MIDN: variants seen among roughly 807,000 people sequenced by gnomAD.
MIDN encodes the protein midbrain nucleolar protein.
In MIDN, 26 loss-of-function variants were observed where a neutral mutation model predicts 46.1. The observed-to-expected ratio is 0.56, with a 90% confidence interval of 0.41 to 0.78. MIDN has a LOEUF of 0.78. Among genes scored for constraint, MIDN ranks in the 30% least tolerant of loss-of-function variants. The probability of loss-of-function intolerance (pLI) is 0.00; values close to 1 mark genes in which losing one functional copy is unlikely to be tolerated. For synonymous variants in MIDN, 432 were observed against 343.3 expected (o/e 1.26, Z -2.86); for missense variants, 850 against 771.8 (o/e 1.10, Z -1.20).
chr19:1,256,062 C>T (rs896114439), intron 8 of MIDN, among the ~76,000 whole-genome samples: 6 of 152,260 alleles, frequency 3.9e-5, no homozygotes, highest in African/African-American at 1.4e-4. Flanking sequence ...AACACAACCC[C>T]CCTGCCAGCC....
Position 1,254,386 on chromosome 19 carries a change from C to T in MIDN, c.733C>T (p.Pro245Ser), listed in dbSNP as rs369043794. ...GCCGGTGTCCAGTGCCGCCCGAGTC[C>T]CCCCGGTGCCCACCAGCCCGTCCCC... ...CRPVSSAARV[P>S]PVPTSPSPAS... The change falls in exon 6 of 9, where the codon CCC becomes TCC. Residue 245 changes from proline (P) to serine (S), a missense_variant. Coordinates refer to ENST00000682408, the MANE Select transcript of MIDN (RefSeq NM_001388306.1). 31 of 1,561,344 alleles carry T rather than the reference C, an allele frequency of 2.0e-5. No individual in the cohort carries two copies. In the African/African-American group the frequency reaches 3.7e-4, roughly 18 times the overall value.
At position 1,255,409 on chromosome 19, in the gene MIDN, C is replaced by T. The variant is rs766145817; in HGVS notation, c.986-13C>T. 7.6e-6 allele frequency: 12 copies of T among 1,571,988 alleles called. No homozygotes were observed. The Admixed American group carries it at 1.8e-4, about 24-fold the overall frequency. On this transcript the variant is annotated splice_polypyrimidine_tract_variant and intron_variant, in intron 7 of 8. Transcript: ENST00000682408. ...TGCCCGTGCCGGGCACTCACGGCCA[C>T]CTCTGCCCGCAGGCACGCTACACCC...
At chr19:1,251,718 C>T in intron 3 of MIDN, 69 bp downstream of exon 3, 4 of 1,529,586 alleles carry the variant, frequency 2.6e-6, no homozygotes, top group Non-Finnish European at 3.6e-6. Context: ...CCCTCGGTAC[C>T]TGTCCGCACA....
In MIDN at chr19:1,254,531, C is replaced by T. The variant is rs566470738; in HGVS notation, c.825+53C>T. On this transcript the variant is annotated intron_variant, in intron 6 of 8. Coordinates refer to ENST00000682408, the MANE Select transcript of MIDN (RefSeq NM_001388306.1). Reference sequence around the variant, plus strand: ...CTTGGTTGGAATCCAAAGGGTGGGCCGTCCTGGGGAGGTCTTGGGGAGGAC... The same window carrying T: ...CTTGGTTGGAATCCAAAGGGTGGGCTGTCCTGGGGAGGTCTTGGGGAGGAC... 470 of 1,521,494 alleles carry T rather than the reference C, an allele frequency of 3.1e-4. 1 individual carries two copies. The highest frequency in any genetic ancestry group is 3.7e-4 in the Non-Finnish European group (415 of 1,134,026). 94.2% of individuals were successfully genotyped at this position (1,521,494 alleles called of 1,614,324 possible).
At chr19:1,255,833 T>TGCTCC (rs1568794879) in intron 8 of MIDN, 139 bp downstream of exon 8, 6 of 793,598 alleles carry the variant, frequency 7.6e-6, no homozygotes, top group African/African-American at 3.6e-5. Context: ...GCCACTGCTC[T>TGCTCC]GCTCCAGCCC....
At chr19:1,251,088 C>G (rs1490396053) in intron 2 of MIDN, among the ~76,000 whole-genome samples, 1 of 151,896 alleles carries the variant, frequency 6.6e-6, no homozygotes, top group Non-Finnish European at 1.5e-5. Flanking sequence ...TCTCCTTTGT[C>G]TGCGCGGCGG....
At position 1,253,993 on chromosome 19, in the gene MIDN, G is replaced by C; in HGVS notation, c.424G>C (p.Gly142Arg). ...APGPGRAGGG[G>R]FRKYRFILFK... ...CGGGCCGGGCCGGGCTGGCGGAGGA[G>C]GCTTCCGGAAATACAGATTCATTTT... Residue 142 changes from glycine to arginine, a missense_variant, in exon 5 of 9, where the codon GGC (glycine) becomes CGC (arginine). Physicochemically the swap from Gly to Arg is moderately radical, Grantham distance 125. Coordinates refer to ENST00000682408, the MANE Select transcript of MIDN (RefSeq NM_001388306.1). 7.2e-7 allele frequency: 1 copy of C among 1,398,376 alleles called. No individual in the cohort carries two copies. 86.6% of individuals were successfully genotyped at this position (1,398,376 alleles called of 1,614,324 possible).
intron 7 of MIDN, 35 bp downstream of exon 7, chr19:1,255,096 G>T: frequency 1.3e-6 from 2 of 1,594,326 alleles, no homozygotes; most frequent in Non-Finnish European, 1.7e-6. Context: ...GCTCACGTGT[G>T]TCCCGTGACC....
rs762674626 is a variant in MIDN at position 1,257,215 on chromosome 19, C to T, written c.1479C>T (p.Asp493=). The T allele has an allele frequency of 6.2e-6, 10 of 1,612,072 alleles. No individual in the cohort carries two copies. The African/African-American group carries it at 1.2e-4, about 19-fold the overall frequency. Residue 493 remains aspartate (D), a synonymous_variant, in exon 9 of 9, where the codon GAC becomes GAT. Coordinates refer to ENST00000682408, the MANE Select transcript of MIDN (RefSeq NM_001388306.1). The part of the protein sequence containing the change: ...EASGLGLDFE[D]SVWKPEVNPD... ...CCGGCTTGGGCCTCGACTTCGAGGACTCCGTGTGGAAGCCAGAAGTCAACC... is the reference window on the plus strand; with the variant it reads ...CCGGCTTGGGCCTCGACTTCGAGGATTCCGTGTGGAAGCCAGAAGTCAACC...
chr19:1,251,040 G>T (rs2145485921), intron 2 of MIDN, among the ~76,000 whole-genome samples: 1 of 151,982 alleles, frequency 6.6e-6, no homozygotes, highest in East Asian at 2.0e-4. Context: ...GTCCATCCCA[G>T]TGGAGGGGCC....
Position 1,254,839 on chromosome 19 carries a change from C to A in MIDN, c.826-63C>A. The A allele has an allele frequency of 2.0e-6, 3 of 1,530,094 alleles. No homozygotes were observed. In the South Asian group the frequency reaches 3.6e-5, roughly 18 times the overall value. 94.8% of individuals were successfully genotyped at this position (1,530,094 alleles called of 1,614,324 possible). On this transcript the variant is annotated intron_variant, in intron 6 of 8. Coordinates refer to ENST00000682408, the MANE Select transcript of MIDN (RefSeq NM_001388306.1). ...CTGGGCTGGTGGGTGATCTCTGGTC[C>A]CTGGGTTGCTGGTGATCCCCTGATC...
Position 1,254,583 on chromosome 19 carries a change from C to T in MIDN, c.825+105C>T, listed in dbSNP as rs577137940. 6.4e-5 allele frequency: 80 copies of T among 1,257,570 alleles called. No homozygotes were observed. In the South Asian group the frequency reaches 8.9e-4, roughly 14 times the overall value. 77.9% of individuals were successfully genotyped at this position (1,257,570 alleles called of 1,614,324 possible). ...AGGACTCTTAGTCCCAGGTGAGTCC[C>T]TTGTATTAAGGGCTATCCTGTGACC... On this transcript the variant is annotated intron_variant, in intron 6 of 8. Transcript: ENST00000682408.
At chr19:1,251,798 C>T (rs369782669) in intron 3 of MIDN, 41 bp from the exon 4 acceptor site, 8 of 1,597,944 alleles carry the variant, frequency 5.0e-6, no homozygotes, top group South Asian at 2.2e-5. Context: ...GCCCAGGATT[C>T]CGACCCCACA....
At chr19:1,251,127 A>T (rs1447755280) in intron 2 of MIDN, 1 of 156,140 alleles carries the variant, frequency 6.4e-6, no homozygotes, top group Non-Finnish European at 1.4e-5. Flanking sequence ...AGGGAGGAGG[A>T]GGGGGAGCCC....
At chr19:1,253,122 G>A (rs1368120414) in intron 4 of MIDN, among the ~76,000 whole-genome samples, 3 of 151,838 alleles carry the variant, frequency 2.0e-5, no homozygotes, top group Non-Finnish European at 2.9e-5. Context: ...CCGCCCATTA[G>A]CCTTCCCCAG....
intron 1 of MIDN, among the ~76,000 whole-genome samples, chr19:1,249,344 G>T (rs1406962844): frequency 6.7e-6 from 1 of 149,958 alleles, no homozygotes; most frequent in Non-Finnish European, 1.5e-5. Flanking sequence ...CGCCCGCCCC[G>T]GGACCCCGGC....
At chr19:1,254,788 C>A in intron 6 of MIDN, 114 bp from the exon 7 acceptor site, 1 of 1,254,590 alleles carries the variant, frequency 8.0e-7, no homozygotes, top group Non-Finnish European at 1.1e-6. Context: ...ATCTCTAAAC[C>A]CTGTGTTGAC....
rs1395468118 is a variant in MIDN, at chr19:1,257,340, G to A, written c.*68G>A. 14 of 1,413,600 alleles carry A rather than the reference G, an allele frequency of 9.9e-6. No homozygotes were observed. The highest frequency in any genetic ancestry group is 4.6e-5 in the East Asian group (2 of 43,618). The allele number at this position is 1,413,600 out of a possible 1,614,324, so 87.6% of individuals were successfully genotyped here. Reference sequence around the variant, plus strand: ...GGGCGGCGGGGACTCCGAGAGCCCCGGAGAGAACGTGGCCCAGCCCTGGAG... The same window carrying A: ...GGGCGGCGGGGACTCCGAGAGCCCCAGAGAGAACGTGGCCCAGCCCTGGAG... On this transcript the variant is annotated 3_prime_UTR_variant, in exon 9 of 9. Coordinates refer to ENST00000682408, the MANE Select transcript of MIDN (RefSeq NM_001388306.1).
In MIDN at chr19:1,257,289, ACCCTCGC is replaced by A. The variant is rs2081211644; in HGVS notation, c.*25_*31del. 8 of 1,607,664 alleles carry A rather than the reference ACCCTCGC, an allele frequency of 5.0e-6. No individual in the cohort carries two copies. Among genetic ancestry groups the A allele is most frequent in the Non-Finnish European group, 6.8e-6 (8 of 1,177,082 alleles). On this transcript the variant is annotated 3_prime_UTR_variant, in exon 9 of 9. Transcript: ENST00000682408. ...GTGGCTTAGGATCTTCGGATCGGCC[ACCCTCGC>A]CCCTCGCACCCCAGCCCAGGGCGGC...
Sources: allele counts gnomAD v4.1 joint callset (sites outside exome capture counted in the v4.1 genomes callset), GRCh38; gene constraint gnomAD v4.1.1; transcripts MANE v1.5; gene names NCBI Gene and HGNC (gene_info 2026-07-23, HGNC 2026-07-21).